Variants in OSBP2 observed in about 807,000 individuals in gnomAD.
The protein encoded by OSBP2 is oxysterol-binding protein 2.
OSBP2 carries 66 observed loss-of-function variants against 96.0 expected under a neutral mutation model. That is an observed-to-expected ratio of 0.69 (90% CI 0.56 to 0.84). The LOEUF (loss-of-function observed/expected upper bound fraction) is 0.84. OSBP2 is among the 40% of genes least tolerant of loss of function. The pLI is 0.00. For missense variants in OSBP2, 1,038 were observed against 1,222.7 expected (o/e 0.85, Z 2.25); for synonymous variants, 525 against 520.9 (o/e 1.01, Z -0.11).
chr22:30,894,297 A>G (rs2040017714), intron 12 of OSBP2: 1 of 349,676 alleles, frequency 2.9e-6, no homozygotes, highest in Non-Finnish European at 5.2e-6. Flanking sequence ...ATAGAAAACT[A>G]TAAAATGTGG....
At chr22:30,766,890 A>G (rs1392818003) in intron 2 of OSBP2, among the ~76,000 whole-genome samples, 1 of 152,112 alleles carries the variant, frequency 6.6e-6, no homozygotes, top group East Asian at 1.9e-4. Flanking sequence ...GGTCAAGGAC[A>G]GAGGTGCATC....
intron 2 of OSBP2, among the ~76,000 whole-genome samples, chr22:30,806,510 A>C (rs1480820121): frequency 6.6e-6 from 1 of 152,192 alleles, no homozygotes; most frequent in Non-Finnish European, 1.5e-5. Context: ...AAACAGGGCT[A>C]GAAGGTGGAG....
chr22:30,736,784 T>G (rs1050188558), intron 1 of OSBP2, among the ~76,000 whole-genome samples: 30 of 152,230 alleles, frequency 2.0e-4, no homozygotes, highest in Non-Finnish European at 4.1e-4. Flanking sequence ...TATTTTATAA[T>G]TCAATCCAAG....
intron 12 of OSBP2, among the ~76,000 whole-genome samples, chr22:30,897,875 G>A (rs912768018): frequency 2.0e-5 from 3 of 151,708 alleles, no homozygotes; most frequent in African/African-American, 7.3e-5. Context: ...GCTTGAACCT[G>A]GAAGGCAGAG....
chr22:30,859,094 A>G (rs1314023701), intron 2 of OSBP2, among the ~76,000 whole-genome samples: 1 of 151,882 alleles, frequency 6.6e-6, no homozygotes, highest in Admixed American at 6.6e-5. Context: ...CCTCTGTCTC[A>G]GCTTGCGCTC....
intron 2 of OSBP2, among the ~76,000 whole-genome samples, chr22:30,866,513 G>T (rs2039342609): frequency 6.6e-6 from 1 of 152,118 alleles, no homozygotes; most frequent in Non-Finnish European, 1.5e-5. Context: ...GCCAAGGCAG[G>T]CGGATCACAG....
At chr22:30,904,176 CA>C (rs983204561) in intron 12 of OSBP2, among the ~76,000 whole-genome samples, 3 of 152,206 alleles carry the variant, frequency 2.0e-5, no homozygotes, top group Non-Finnish European at 4.4e-5. Flanking sequence ...GATGGCAGGG[CA>C]GCCTGGGGCG....
chr22:30,865,500 C>T (rs543274842), intron 2 of OSBP2, among the ~76,000 whole-genome samples: 15 of 151,990 alleles, frequency 9.9e-5, no homozygotes, highest in African/African-American at 2.9e-4. Flanking sequence ...GGTGTTGTGA[C>T]GCATGCCTGT....
chr22:30,834,056 ATT>A (rs577533623), intron 2 of OSBP2, among the ~76,000 whole-genome samples: 1 of 146,760 alleles, frequency 6.8e-6, no homozygotes, highest in Admixed American at 6.8e-5. Flanking sequence ...CCATCAGTCC[ATT>A]TTTTTTTTTG....
At chr22:30,828,233 A>T (rs963659449) in intron 2 of OSBP2, among the ~76,000 whole-genome samples, 6 of 152,240 alleles carry the variant, frequency 3.9e-5, no homozygotes, top group Non-Finnish European at 5.9e-5. Flanking sequence ...ATGGTAAAAG[A>T]AGACAGAATT....
chr22:30,893,544 T>C lies in OSBP2; in HGVS notation c.2072T>C (p.Val691Ala). Residue 691 changes from valine (V) to alanine (A), a missense_variant, in exon 10 of 14, where the codon GTG becomes GCG. By Grantham distance (64) the Val-to-Ala change is moderately conservative (BLOSUM62 0). Around this residue, in one of 3 missense-constraint regions of OSBP2, gnomAD observed 737 missense variants for 913.3 expected, o/e 0.81. Transcript: ENST00000332585. ...ACCTCAACTGTTCACAACATCATCGTGGGCAAGCTCTGGATCGACCAGGTC... is the reference window on the plus strand; with the variant it reads ...ACCTCAACTGTTCACAACATCATCGCGGGCAAGCTCTGGATCGACCAGGTC... ...KSTSTVHNII[V>A]GKLWIDQSGD... 6.2e-7 allele frequency: 1 copy of C among 1,614,130 alleles called. No homozygotes were observed. The highest frequency in any genetic ancestry group is 8.5e-7 in the Non-Finnish European group (1 of 1,180,002).
rs1489838064 is a variant in OSBP2 at position 30,740,358 on chromosome 22, C to T, written c.645-803C>T. On this transcript the variant is annotated intron_variant, in intron 1 of 13. Transcript: ENST00000332585. ...CAAGTGCAGGGTTTGCAAAATATCT[C>T]AAGCACTGCTCTTAGGAGCAGTTTA... 2.0e-5 allele frequency among the ~76,000 whole-genome samples: 3 copies of T among 152,188 alleles called. No individual in the cohort carries two copies. The South Asian group carries it at 6.2e-4, about 32-fold the overall frequency.
At chr22:30,813,895 C>T (rs1179619695) in intron 2 of OSBP2, among the ~76,000 whole-genome samples, 2 of 151,968 alleles carry the variant, frequency 1.3e-5, no homozygotes, top group African/African-American at 2.4e-5. Flanking sequence ...CTCCGCCTCC[C>T]GGGTTCAAGC....
chr22:30,816,369 T>G (rs2091083403), intron 2 of OSBP2, among the ~76,000 whole-genome samples: 1 of 152,130 alleles, frequency 6.6e-6, no homozygotes, highest in Admixed American at 6.5e-5. Context: ...TCGGTGAAAG[T>G]AGTATTTAGA....
chr22:30,702,450 C>G (rs1183270008), intron 1 of OSBP2, among the ~76,000 whole-genome samples: 1 of 152,010 alleles, frequency 6.6e-6, no homozygotes, highest in Non-Finnish European at 1.5e-5. Flanking sequence ...CCTGTCTGTA[C>G]TAAAAATACA....
intron 2 of OSBP2, among the ~76,000 whole-genome samples, chr22:30,767,308 T>C (rs2090287730): frequency 6.6e-6 from 1 of 150,656 alleles, no homozygotes; most frequent in African/African-American, 2.5e-5. Context: ...AGACTTTCTC[T>C]CTCTTAAAAA....
At chr22:30,839,499 G>C (rs113167638) in intron 2 of OSBP2, among the ~76,000 whole-genome samples, 15,621 of 139,120 alleles carry the variant, frequency 0.11, 912 homozygotes, top group East Asian at 0.18. Context: ...TCCACATCCT[G>C]TCCAGCACCT....
intron 1 of OSBP2, among the ~76,000 whole-genome samples, chr22:30,721,855 G>GTAAC (rs2089557949): frequency 6.6e-6 from 1 of 152,134 alleles, no homozygotes; most frequent in South Asian, 2.1e-4. Flanking sequence ...ACTTGGCTTA[G>GTAAC]TAACTGGTTT....
chr22:30,741,395 G>A (rs1024727074), intron 2 of OSBP2, 26 bp downstream of exon 2: 22 of 1,556,090 alleles, frequency 1.4e-5, no homozygotes, highest in Middle Eastern at 2.2e-4. Context: ...GACAGCGGGT[G>A]TGTATATGGT....
Sources: allele counts gnomAD v4.1 joint callset (sites outside exome capture counted in the v4.1 genomes callset), GRCh38; gene constraint gnomAD v4.1.1; regional missense constraint gnomAD v4.1.1; transcripts MANE v1.5; gene names NCBI Gene and HGNC (gene_info 2026-07-23, HGNC 2026-07-21).